The following HS6ST1 variants were observed in gnomAD, a reference collection of about 807,000 sequenced individuals.
HS6ST1 encodes the protein heparan sulfate 6-O-sulfotransferase 1, also known as heparan-sulfate 6-O-sulfotransferase 1.
Under a neutral mutation model 25.2 loss-of-function variants are expected in HS6ST1, and 3 were observed. The ratio of observed to expected loss-of-function variants is 0.12; its 90% CI spans 0.05 to 0.31. HS6ST1 has a LOEUF of 0.31. Among genes scored for constraint, HS6ST1 ranks in the 10% least tolerant of loss-of-function variants. The pLI is 1.00. For synonymous variants in HS6ST1, 204 were observed against 275.1 expected (o/e 0.74, Z 2.56); for missense variants, 310 against 609.6 (o/e 0.51, Z 5.18).
chr2:128,300,340 A>AG (rs1253259469), intron 1 of HS6ST1, among the ~76,000 whole-genome samples: 4 of 151,986 alleles, frequency 2.6e-5, no homozygotes, highest in Admixed American at 2.6e-4. Flanking sequence ...ACTGGAGAAG[A>AG]GGGGGGGACC....
rs1249190732 is a variant in HS6ST1 at position 128,318,781 on chromosome 2, C to A, written c.-218G>T. On this transcript the variant is annotated 5_prime_UTR_variant, in exon 1 of 2. Transcript: ENST00000259241. This position sits in a 1 kb window ranked among gnomAD's most constrained non-coding sequence, Gnocchi z 5.7. ...CCCGACGCCCGACTCCGCTCCCGCT[C>A]GGCCCCGCTCCCGGCCCCGGCCAGC... Among the ~76,000 whole-genome samples the A allele has an allele frequency of 6.8e-6, 1 of 147,150 alleles. No individual in the cohort carries two copies. Among genetic ancestry groups the A allele is most frequent in the Non-Finnish European group, 1.5e-5 (1 of 66,108 alleles).
At chr2:128,292,706 G>A (rs1328866006) in intron 1 of HS6ST1, among the ~76,000 whole-genome samples, 3 of 151,834 alleles carry the variant, frequency 2.0e-5, no homozygotes, top group African/African-American at 7.3e-5. Flanking sequence ...CATTCAGTGT[G>A]CAGCAGGCCA....
In HS6ST1 at chr2:128,318,011, G is replaced by C; in HGVS notation, c.527+26C>G. 1 of 1,439,966 alleles carries C rather than the reference G, an allele frequency of 6.9e-7. No individual in the cohort carries two copies. Among genetic ancestry groups the C allele is most frequent in the Non-Finnish European group, 9.0e-7 (1 of 1,109,712 alleles). 89.2% of individuals were successfully genotyped at this position (1,439,966 alleles called of 1,614,324 possible). A position where few individuals can be genotyped will look rare whatever the true frequency, so the allele number is the denominator to read the frequency against. On this transcript the variant is annotated intron_variant, in intron 1 of 1. Transcript: ENST00000259241. The surrounding 1 kb of genome is among the most constrained non-coding windows in gnomAD (Gnocchi z 5.7). ...CCCGGCCTCGGGGGCGCAGCTGCGC[G>C]AGGATCCCGCCGCCCGGGCGCTCAC... is the stretch of plus-strand genomic sequence containing the variant.
At chr2:128,286,344 C>A (rs1185598788) in intron 1 of HS6ST1, among the ~76,000 whole-genome samples, 3 of 152,336 alleles carry the variant, frequency 2.0e-5, no homozygotes, top group African/African-American at 7.2e-5. Flanking sequence ...GGAACATAGA[C>A]ACTAAAGACC....
chr2:128,293,809 G>C (rs903011030), intron 1 of HS6ST1, among the ~76,000 whole-genome samples: 2 of 152,210 alleles, frequency 1.3e-5, no homozygotes, highest in African/African-American at 4.8e-5. Flanking sequence ...CACCAGCTCA[G>C]AAGGCCAGTG....
At chr2:128,312,897 T>A (rs184227457) in intron 1 of HS6ST1, among the ~76,000 whole-genome samples, 6 of 152,056 alleles carry the variant, frequency 3.9e-5, no homozygotes, top group Non-Finnish European at 7.4e-5. Context: ...CCGTCTTTAC[T>A]AAAAATATAA....
At chr2:128,304,647 T>C (rs1203559769) in intron 1 of HS6ST1, among the ~76,000 whole-genome samples, 1 of 146,054 alleles carries the variant, frequency 6.8e-6, no homozygotes. Context: ...ACAGCCGCTG[T>C]AGTCAGATGC....
At chr2:128,278,840 A>G (rs1305266542) in intron 1 of HS6ST1, among the ~76,000 whole-genome samples, 1 of 152,184 alleles carries the variant, frequency 6.6e-6, no homozygotes, top group Non-Finnish European at 1.5e-5. Context: ...TTTTTTCAAC[A>G]TTTTACTATA....
chr2:128,277,426 G>A (rs1693712582), intron 1 of HS6ST1, among the ~76,000 whole-genome samples: 1 of 152,228 alleles, frequency 6.6e-6, no homozygotes, highest in Non-Finnish European at 1.5e-5. Context: ...ACTTGAGGGT[G>A]ACGGGGAGAC....
intron 1 of HS6ST1, among the ~76,000 whole-genome samples, chr2:128,295,067 G>C (rs1694020954): frequency 6.6e-6 from 1 of 152,220 alleles, no homozygotes; most frequent in Non-Finnish European, 1.5e-5. Flanking sequence ...TGTGCCCAGT[G>C]AGGAACCAGC....
At chr2:128,293,696 GA>G (rs1693993964) in intron 1 of HS6ST1, among the ~76,000 whole-genome samples, 1 of 152,228 alleles carries the variant, frequency 6.6e-6, no homozygotes, top group Non-Finnish European at 1.5e-5. Flanking sequence ...GGCAAAGAGA[GA>G]CCATCAGGTG....
At position 128,268,516 on chromosome 2, in the gene HS6ST1, G is replaced by A. The variant is rs375220930; in HGVS notation, c.882C>T (p.Thr294=). ...NLRGMAFFGL[T]EFQRKTQYLF... ...GGTACTGCGTCTTGCGCTGGAACTC[G>A]GTCAGGCCGAAGAAGGCCATGCCCC... The change falls in exon 2 of 2, where the codon ACC becomes ACT. Residue 294 remains threonine, a synonymous_variant. Transcript: ENST00000259241. 6.3e-4 allele frequency: 1,015 copies of A among 1,606,474 alleles called. No homozygotes were observed. Among genetic ancestry groups the A allele is most frequent in the Non-Finnish European group, 7.6e-4 (899 of 1,176,454 alleles).
intron 1 of HS6ST1, among the ~76,000 whole-genome samples, chr2:128,292,759 T>G (rs1693975436): frequency 2.1e-5 from 3 of 144,948 alleles, no homozygotes; most frequent in African/African-American, 5.2e-5. Flanking sequence ...GGAGGGGCGG[T>G]GACTCACAAG....
chr2:128,311,739 C>T (rs1037222179), intron 1 of HS6ST1, among the ~76,000 whole-genome samples: 13 of 152,342 alleles, frequency 8.5e-5, no homozygotes, highest in Admixed American at 4.6e-4. Context: ...AGAGCAAGGA[C>T]ACTGGAGCAG....
intron 1 of HS6ST1, among the ~76,000 whole-genome samples, chr2:128,315,978 G>A (rs1302213857): frequency 6.6e-6 from 1 of 152,208 alleles, no homozygotes; most frequent in African/African-American, 2.4e-5. Flanking sequence ...GGCCCTGGAA[G>A]CCCCTCCCAA....
At chr2:128,279,356 A>C (rs946704481) in intron 1 of HS6ST1, among the ~76,000 whole-genome samples, 1 of 145,314 alleles carries the variant, frequency 6.9e-6, no homozygotes, top group Non-Finnish European at 1.5e-5. Context: ...TTTTTTTAAG[A>C]AATACTGTTG....
chr2:128,293,068 G>A (rs1055265317), intron 1 of HS6ST1, among the ~76,000 whole-genome samples: 5 of 152,170 alleles, frequency 3.3e-5, no homozygotes, highest in African/African-American at 9.6e-5. Flanking sequence ...TGGGCCTGGT[G>A]GAGCTGGTCC....
intron 1 of HS6ST1, 110 bp downstream of exon 1, chr2:128,317,927 G>C (rs1694398660): frequency 7.8e-7 from 1 of 1,275,298 alleles, no homozygotes; most frequent in Non-Finnish European, 1.0e-6. Flanking sequence ...GGGCCCCCAA[G>C]AGGGCAGAAG....
At chr2:128,307,988 G>A (rs974187966) in intron 1 of HS6ST1, among the ~76,000 whole-genome samples, 3 of 152,190 alleles carry the variant, frequency 2.0e-5, no homozygotes, top group African/African-American at 7.2e-5. Flanking sequence ...CGCATGTCAG[G>A]GACCAACAGG....
Sources: gnomAD v4.1 joint callset for allele counts (sites outside exome capture counted in the v4.1 genomes callset) on GRCh38, gnomAD v4.1.1 for gene constraint, Gnocchi (gnomAD v3.1) non-coding constraint, MANE v1.5 for transcripts, NCBI Gene and HGNC (gene_info 2026-07-23, HGNC 2026-07-21) for gene names.